ZNF100: variants seen among roughly 807,000 people sequenced by gnomAD.
The protein encoded by ZNF100 is zinc finger protein 100 (Y1).
In ZNF100, 12 loss-of-function variants were observed where a neutral mutation model predicts 15.8. The observed-to-expected ratio is 0.76, with a 90% CI of 0.49 to 1.23. The LOEUF is 1.23. Among genes scored for constraint, ZNF100 ranks in the 50% most tolerant of loss-of-function variants. ZNF100 has a pLI of 0.00. For synonymous variants in ZNF100, 226 were observed against 214.8 expected, an observed-to-expected ratio of 1.05 and a Z score of -0.45; for missense variants, 670 against 635.6, an observed-to-expected ratio of 1.05 and a Z score of -0.58.
At chr19:21,735,407 T>A (rs987559310) in intron 4 of ZNF100, among the ~76,000 whole-genome samples, 1 of 146,788 alleles carries the variant, frequency 6.8e-6, no homozygotes, top group Non-Finnish European at 1.5e-5. Context: ...GGCAGGAGAA[T>A]GGCATGAACC....
intron 2 of ZNF100, among the ~76,000 whole-genome samples, chr19:21,755,280 C>G (rs937927823): frequency 5.3e-5 from 8 of 151,422 alleles, no homozygotes; most frequent in African/African-American, 9.7e-5. Context: ...GCACTCCAGC[C>G]TGGCCAATGA....
chr19:21,761,127 T>G (rs2036477584), intron 2 of ZNF100, among the ~76,000 whole-genome samples: 1 of 152,156 alleles, frequency 6.6e-6, no homozygotes, highest in Non-Finnish European at 1.5e-5. Flanking sequence ...AGGAATTAAC[T>G]GAGTGGACTG....
At chr19:21,746,781 A>C (rs1410946286) in intron 2 of ZNF100, 1 of 152,208 alleles carries the variant, frequency 6.6e-6, no homozygotes, top group Non-Finnish European at 1.5e-5. Flanking sequence ...GAGACTCTAG[A>C]AAAGAGTGGA....
chr19:21,755,247 C>T (rs2036373923), intron 2 of ZNF100, among the ~76,000 whole-genome samples: 1 of 151,408 alleles, frequency 6.6e-6, no homozygotes, highest in Non-Finnish European at 1.5e-5. Flanking sequence ...GCAGAGGTTG[C>T]AGTGAGCCAA....
rs2036312960 is a variant in ZNF100, at chr19:21,751,882, T to C, written c.97-6815A>G. ...GAAGGTCTTTCAGCGCTGATCAACT[T>C]CATTGGTATTCAGCACTCTAAAGCC... is the stretch of plus-strand genomic sequence containing the variant. On this transcript the variant is annotated intron_variant, in intron 2 of 4. Coordinates refer to ENST00000358296, the MANE Select transcript of ZNF100 (RefSeq NM_173531.4). The C allele has an allele frequency of 4.5e-6, 3 of 662,436 alleles. No homozygotes were observed. In the African/African-American group the frequency reaches 5.4e-5, roughly 12 times the overall value. 41.0% of individuals were successfully genotyped at this position (662,436 alleles called of 1,614,324 possible).
chr19:21,730,303 GAGAGA>G (rs1450588508), intron 4 of ZNF100, among the ~76,000 whole-genome samples: 1 of 151,846 alleles, frequency 6.6e-6, no homozygotes, highest in African/African-American at 2.4e-5. Context: ...TTAACCAAAT[GAGAGA>G]AGAGGTCAAA....
At chr19:21,746,199 C>G (rs1477478302) in intron 2 of ZNF100, among the ~76,000 whole-genome samples, 1 of 152,250 alleles carries the variant, frequency 6.6e-6, no homozygotes, top group Non-Finnish European at 1.5e-5. Context: ...GCATCATTGC[C>G]TAGATATTGC....
chr19:21,762,159 C>T (rs2036493128), intron 2 of ZNF100, among the ~76,000 whole-genome samples: 1 of 151,776 alleles, frequency 6.6e-6, no homozygotes, highest in South Asian at 2.1e-4. Context: ...GCCTGGGGAA[C>T]AAAGCAAGAC....
rs147360555 is a variant in ZNF100 at position 21,761,452 on chromosome 19, T to C, written c.96+4242A>G. 2.7e-3 allele frequency among the ~76,000 whole-genome samples: 412 copies of C among 152,320 alleles called. 1 individual carries two copies. Among genetic ancestry groups the C allele is most frequent in the African/African-American group, 9.4e-3 (390 of 41,578 alleles). On this transcript the variant is annotated intron_variant, in intron 2 of 4. Transcript: ENST00000358296. ...TTGCTTTAATGAACTAAACTTGACT[T>C]GTAGAACCAATAAAGCTCCATGGGA...
At chr19:21,739,482 G>A (rs2036070189) in intron 4 of ZNF100, among the ~76,000 whole-genome samples, 1 of 59,790 alleles carries the variant, frequency 1.7e-5, no homozygotes, top group Non-Finnish European at 5.3e-5. Context: ...CTTGAGTCAA[G>A]CAGGCTGAGG....
At chr19:21,757,956 G>A (rs1319789644) in intron 2 of ZNF100, among the ~76,000 whole-genome samples, 1 of 152,114 alleles carries the variant, frequency 6.6e-6, no homozygotes, top group Non-Finnish European at 1.5e-5. Flanking sequence ...AGGACCCCTT[G>A]AGCCTTGGAG....
intron 2 of ZNF100, among the ~76,000 whole-genome samples, chr19:21,759,542 C>A (rs1052752354): frequency 6.6e-6 from 1 of 152,156 alleles, no homozygotes; most frequent in African/African-American, 2.4e-5. Context: ...GGGCTACATT[C>A]CCAGATGGTT....
chr19:21,765,031 G>C (rs2036537439), intron 2 of ZNF100, among the ~76,000 whole-genome samples: 1 of 152,084 alleles, frequency 6.6e-6, no homozygotes, highest in Admixed American at 6.5e-5. Flanking sequence ...AAACACACCT[G>C]AGAAAATTCC....
chr19:21,730,445 A>AGAGTGTGTGTGTGT lies in ZNF100; in HGVS notation c.323-2457_323-2456insACACACACACACTC, dbSNP rs71178761. ...AATAGATTCATTTACTGATAACCTA[A>AGAGTGTGTGTGTGT]GTGTGTGTGTGTGTGTGTGTGTGTG... On this transcript the variant is annotated intron_variant, in intron 4 of 4. Transcript: ENST00000358296. Among the ~76,000 whole-genome samples the AGAGTGTGTGTGTGT allele has an allele frequency of 5.1e-4, 75 of 147,716 alleles. No homozygotes were observed. The South Asian group carries it at 5.7e-3, about 11-fold the overall frequency.
rs556703153 is a variant in ZNF100, at chr19:21,739,007, A to G, written c.322+5010T>C. Among the ~76,000 whole-genome samples, 14 of 152,298 alleles carry G rather than the reference A, an allele frequency of 9.2e-5. No individual in the cohort carries two copies. The South Asian group carries it at 2.9e-3, about 32-fold the overall frequency. ...GCTCTCATTTGAATTAATGAAGTGT[A>G]AACTTTCTGATTATCAAAAGGCTGG... On this transcript the variant is annotated intron_variant, in intron 4 of 4. Coordinates refer to ENST00000358296, the MANE Select transcript of ZNF100 (RefSeq NM_173531.4).
At position 21,726,773 on chromosome 19, in the gene ZNF100, G is replaced by A. The variant is rs776774579; in HGVS notation, c.1539C>T (p.Tyr513=). The A allele has an allele frequency of 4.3e-6, 7 of 1,613,276 alleles. No individual in the cohort carries two copies. Among genetic ancestry groups the A allele is most frequent in the Non-Finnish European group, 1.7e-6 (2 of 1,179,726 alleles). ...AGTCTTTACCACATTCTTCCCATTTGTAAGATTTCTCTCCAGTATGAGTTA... is the reference window on the plus strand; with the variant it reads ...AGTCTTTACCACATTCTTCCCATTTATAAGATTTCTCTCCAGTATGAGTTA... ...HKITHTGEKS[Y]KWEECGKDFN... Residue 513 remains tyrosine (Y), a synonymous_variant, in exon 5 of 5, where the codon TAC becomes TAT. Transcript: ENST00000358296.
At chr19:21,731,335 G>A (rs1384636957) in intron 4 of ZNF100, among the ~76,000 whole-genome samples, 1 of 144,592 alleles carries the variant, frequency 6.9e-6, no homozygotes, top group African/African-American at 2.7e-5. Flanking sequence ...TTGAGATGGA[G>A]TCTTGCACTG....
intron 2 of ZNF100, among the ~76,000 whole-genome samples, chr19:21,760,623 A>C (rs971828584): frequency 6.6e-6 from 1 of 152,144 alleles, no homozygotes; most frequent in Non-Finnish European, 1.5e-5. Flanking sequence ...TGCCATCCAG[A>C]CAATCATCTT....
chr19:21,730,702 G>A (rs939206016), intron 4 of ZNF100, among the ~76,000 whole-genome samples: 10 of 139,742 alleles, frequency 7.2e-5, no homozygotes, highest in Non-Finnish European at 1.3e-4. Flanking sequence ...GGATACACAT[G>A]CTTCTCAATT....
Sources: gnomAD v4.1 joint callset for allele counts (sites outside exome capture counted in the v4.1 genomes callset) on GRCh38, gnomAD v4.1.1 for gene constraint, MANE v1.5 for transcripts, NCBI Gene and HGNC (gene_info 2026-07-23, HGNC 2026-07-21) for gene names.